Variants in ZNF680 observed in about 807,000 individuals in gnomAD.
The protein encoded by ZNF680 is zinc finger protein 680, also known as hypothetical protein FLJ90430.
Under a neutral mutation model 12.1 loss-of-function variants are expected in ZNF680, and 6 were observed. That is an observed-to-expected ratio of 0.49 (90% confidence interval 0.27 to 0.98). ZNF680 has a LOEUF of 0.98. ZNF680 is among the 50% of genes least tolerant of loss of function. The pLI, the probability that ZNF680 is intolerant of heterozygous loss-of-function variation, is 0.12. For synonymous variants in ZNF680, 170 were observed against 199.3 expected (o/e 0.85, Z 1.24); for missense variants, 561 against 616.3 (o/e 0.91, Z 0.95).
chr7:64,550,435 T>A (rs1049828228), intron 1 of ZNF680, among the ~76,000 whole-genome samples: 1 of 152,232 alleles, frequency 6.6e-6, no homozygotes, highest in African/African-American at 2.4e-5. Context: ...GTTTTATTTT[T>A]TCCCAAAATC....
the ZNF680 span, among the ~76,000 whole-genome samples, chr7:64,511,947 T>A: frequency 1.3e-5 from 2 of 151,424 alleles, no homozygotes; most frequent in Non-Finnish European, 2.9e-5. Context: ...TAATCCCAGC[T>A]ACTCGGGAGG....
In ZNF680 at chr7:64,521,132, G is replaced by C. The variant is rs765446258; in HGVS notation, c.*29C>G. On this transcript the variant is annotated 3_prime_UTR_variant, in exon 4 of 4. Transcript: ENST00000309683. ...TTCACATTTTTAGGGTTTCTCAACA[G>C]GATGGTGTCTTTTATGTTTAGAAAA... 1 of 1,568,056 alleles carries C rather than the reference G, an allele frequency of 6.4e-7. No homozygotes were observed. Among genetic ancestry groups the C allele is most frequent in the South Asian group, 1.2e-5 (1 of 82,330 alleles).
chr7:64,504,792 C>T, the ZNF680 span, among the ~76,000 whole-genome samples: 4,680 of 152,288 alleles, frequency 0.031, 360 homozygotes, highest in East Asian at 0.33. Flanking sequence ...CTGTTATTTG[C>T]ATGTCCAGAT....
At chr7:64,525,960 T>C (rs1791818286) in intron 3 of ZNF680, 1 of 985,212 alleles carries the variant, frequency 1.0e-6, no homozygotes. Flanking sequence ...ATATGGCTGA[T>C]TCATATTTGA....
the ZNF680 span, among the ~76,000 whole-genome samples, chr7:64,512,481 A>AAG: frequency 7.2e-6 from 1 of 138,152 alleles, no homozygotes; most frequent in African/African-American, 2.7e-5. Context: ...AAAAAAAAAA[A>AAG]TTTCTTCTCA....
intron 1 of ZNF680, among the ~76,000 whole-genome samples, chr7:64,554,732 G>C: frequency 6.6e-6 from 1 of 152,150 alleles, no homozygotes. Context: ...TCCACTAAGG[G>C]TTAAATGGAT....
At chr7:64,509,938 T>C in the ZNF680 span, among the ~76,000 whole-genome samples, 1 of 151,784 alleles carries the variant, frequency 6.6e-6, no homozygotes, top group East Asian at 1.9e-4. Context: ...CTCCCTCTTG[T>C]TCTAGATGAG....
chr7:64,544,574 T>G (rs1481177776), intron 1 of ZNF680, 142 bp from the exon 2 acceptor site: 1 of 1,368,554 alleles, frequency 7.3e-7, no homozygotes, highest in Non-Finnish European at 9.6e-7. Context: ...TGAGTCAAAT[T>G]ATACAATAAA....
At chr7:64,527,340 C>A (rs888666536) in intron 3 of ZNF680, among the ~76,000 whole-genome samples, 1 of 151,994 alleles carries the variant, frequency 6.6e-6, no homozygotes. Context: ...TAACAATAAA[C>A]TGATAATAGT....
At chr7:64,514,214 G>C in the ZNF680 span, among the ~76,000 whole-genome samples, 1 of 152,050 alleles carries the variant, frequency 6.6e-6, no homozygotes, top group Non-Finnish European at 1.5e-5. Flanking sequence ...ACAAGTTTAG[G>C]TATATAAAAT....
rs1170166478 is a variant in ZNF680, at chr7:64,539,351, C to CAAAAAAAAAAAAA, written c.253+4343_253+4355dup. On this transcript the variant is annotated intron_variant, in intron 3 of 3. Transcript: ENST00000309683. ...GGGCAACAAGAGCAAAACTTCGTCT[C>CAAAAAAAAAAAAA]AAAAAAAAAAAAAAAAAAAAAAAAG... Among the ~76,000 whole-genome samples the CAAAAAAAAAAAAA allele has an allele frequency of 1.2e-3, 56 of 48,414 alleles. 2 individuals carry two copies. Among genetic ancestry groups the CAAAAAAAAAAAAA allele is most frequent in the African/African-American group, 1.9e-3 (19 of 9,764 alleles). 31.8% of individuals were successfully genotyped at this position (48,414 alleles called of 152,430 possible).
Position 64,525,794 on chromosome 7 carries a change from T to G in ZNF680, c.254-3294A>C, listed in dbSNP as rs1034890127. 7 of 977,640 alleles carry G rather than the reference T, an allele frequency of 7.2e-6. No homozygotes were observed. In the African/African-American group the frequency reaches 1.2e-4, roughly 17 times the overall value. 60.6% of individuals were successfully genotyped at this position (977,640 alleles called of 1,614,324 possible). ...AAAATAATATAGATCCATGAATAAA[T>G]AGATGTTGAAATTAGGAGAATTTCT... is the stretch of plus-strand genomic sequence containing the variant. On this transcript the variant is annotated intron_variant, in intron 3 of 3. Transcript: ENST00000309683.
At chr7:64,523,616 A>T (rs957749792) in intron 3 of ZNF680, among the ~76,000 whole-genome samples, 11 of 152,206 alleles carry the variant, frequency 7.2e-5, no homozygotes, top group African/African-American at 2.7e-4. Context: ...AAAGGGATTT[A>T]TTAAAAGAAT....
chr7:64,501,155 C>T, the ZNF680 span: 2 of 889,224 alleles, frequency 2.2e-6, no homozygotes, highest in South Asian at 2.8e-5. Context: ...ACAGAACACC[C>T]TTCTCCATCG....
intron 3 of ZNF680, among the ~76,000 whole-genome samples, chr7:64,540,239 A>G (rs533570166): frequency 6.6e-6 from 1 of 152,072 alleles, no homozygotes; most frequent in Admixed American, 6.6e-5. Context: ...AATGGAGGTC[A>G]TATTTGTAGA....
At chr7:64,537,948 CA>C (rs1442930414) in intron 3 of ZNF680, among the ~76,000 whole-genome samples, 2 of 151,518 alleles carry the variant, frequency 1.3e-5, no homozygotes, top group East Asian at 3.9e-4. Flanking sequence ...AACAAAAAAA[CA>C]AACAAAAACA....
At chr7:64,502,710 C>A in the ZNF680 span, among the ~76,000 whole-genome samples, 4 of 152,184 alleles carry the variant, frequency 2.6e-5, no homozygotes, top group East Asian at 7.7e-4. Flanking sequence ...ACAGTGTCTT[C>A]CCTACATTTC....
At chr7:64,499,587 C>T in the ZNF680 span, among the ~76,000 whole-genome samples, 1 of 152,162 alleles carries the variant, frequency 6.6e-6, no homozygotes, top group Non-Finnish European at 1.5e-5. Flanking sequence ...GAAACCCCAT[C>T]TCTACCAAAA....
intron 1 of ZNF680, among the ~76,000 whole-genome samples, chr7:64,545,687 T>A (rs1786751807): frequency 6.6e-6 from 1 of 152,224 alleles, no homozygotes; most frequent in African/African-American, 2.4e-5. Context: ...AATAGTGATT[T>A]TAAGTAGTCT....
Sources: allele counts gnomAD v4.1 joint callset (sites outside exome capture counted in the v4.1 genomes callset), GRCh38; gene constraint gnomAD v4.1.1; transcripts MANE v1.5; gene names NCBI Gene and HGNC (gene_info 2026-07-23, HGNC 2026-07-21).